The following ATP11A variants were observed in gnomAD, a reference collection of about 807,000 sequenced individuals.
ATP11A encodes ATPase phospholipid transporting 11A.
Under a neutral mutation model 154.4 loss-of-function variants are expected in ATP11A, and 81 were observed. The observed-to-expected ratio is 0.52, with a 90% CI of 0.44 to 0.63. The LOEUF (loss-of-function observed/expected upper bound fraction) is 0.63, where lower values mean the gene tolerates loss of function less well. Ranked by LOEUF, ATP11A falls within the 30% of genes least tolerant of loss-of-function variation. ATP11A has a pLI of 0.00. For synonymous variants in ATP11A, 623 were observed against 585.9 expected (o/e 1.06, Z -0.91); for missense variants, 1,316 against 1,474.3 (o/e 0.89, Z 1.76).
chr13:112,865,175 G>A (rs1229548791), intron 25 of ATP11A, among the ~76,000 whole-genome samples: 3 of 102,512 alleles, frequency 2.9e-5, no homozygotes, highest in African/African-American at 1.1e-4. Context: ...GCTTCCCAGC[G>A]GGGTCCATCA....
Position 112,834,668 on chromosome 13 carries a change from C to T in ATP11A, c.1631+8C>T, listed in dbSNP as rs1396989541. On this transcript the variant is annotated splice_region_variant and intron_variant, in intron 15 of 29. Coordinates refer to ENST00000375645, the MANE Select transcript of ATP11A (RefSeq NM_015205.3). ...GGAGAACCACATCGAAAGGTATGTG[C>T]AGACCTCACCCTCAGATGTGAAAGG... The T allele has an allele frequency of 1.9e-6, 3 of 1,604,478 alleles. No individual in the cohort carries two copies. In the East Asian group the frequency reaches 6.7e-5, roughly 36 times the overall value.
intron 1 of ATP11A, among the ~76,000 whole-genome samples, chr13:112,784,535 T>G (rs2077574366): frequency 6.6e-6 from 1 of 151,680 alleles, no homozygotes; most frequent in African/African-American, 2.4e-5. Context: ...TCTTTTTTTT[T>G]TTTTTTGAGA....
rs2080898171 is a variant in ATP11A, at chr13:112,881,987, C to T, written c.*121C>T. 1 of 1,367,884 alleles carries T rather than the reference C, an allele frequency of 7.3e-7. No homozygotes were observed. The highest frequency in any genetic ancestry group is 9.8e-7 in the Non-Finnish European group (1 of 1,022,002). The allele number at this position is 1,367,884 out of a possible 1,614,324, so 84.7% of individuals were successfully genotyped here. A position where few individuals can be genotyped will look rare whatever the true frequency, so the allele number is the denominator to read the frequency against. On this transcript the variant is annotated 3_prime_UTR_variant, in exon 30 of 30. Coordinates refer to ENST00000375645, the MANE Select transcript of ATP11A (RefSeq NM_015205.3). ...GGTGTCCACGGAGCCCCCACCCATC[C>T]TCGGCGGTTCCCATCACCACTGCAG...
chr13:112,741,089 T>C (rs1891498291), intron 1 of ATP11A, among the ~76,000 whole-genome samples: 1 of 152,242 alleles, frequency 6.6e-6, no homozygotes, highest in East Asian at 1.9e-4. Context: ...ATATTTCTAA[T>C]GTAAAGCCAA....
Position 112,753,245 on chromosome 13 carries a change from G to A in ATP11A, c.40-31890G>A, listed in dbSNP as rs1375597341. On this transcript the variant is annotated intron_variant, in intron 1 of 29. Transcript: ENST00000375645. The surrounding 1 kb of genome is among the most constrained non-coding windows in gnomAD (Gnocchi z 4.1). ...GACTCAACCTCCCCCGCCCCTGGCC[G>A]CCCCACATCATGGACAGCTGGGCTC... 2.6e-5 allele frequency among the ~76,000 whole-genome samples: 4 copies of A among 152,146 alleles called. No homozygotes were observed. The highest frequency in any genetic ancestry group is 5.9e-5 in the Non-Finnish European group (4 of 68,036).
intron 24 of ATP11A, among the ~76,000 whole-genome samples, chr13:112,861,078 T>G (rs897432679): frequency 6.6e-6 from 1 of 152,108 alleles, no homozygotes; most frequent in African/African-American, 2.4e-5. Context: ...CAAAGGCACG[T>G]CTTACATGGT....
At chr13:112,759,460 C>T (rs533434767) in intron 1 of ATP11A, among the ~76,000 whole-genome samples, 243 of 152,342 alleles carry the variant, frequency 1.6e-3, no homozygotes, top group Non-Finnish European at 2.6e-3. Context: ...TCAACAATAG[C>T]GCGTGGACAC....
At position 112,788,584 on chromosome 13, in the gene ATP11A, G is replaced by C. The variant is rs145955135; in HGVS notation, c.162+3327G>C. On this transcript the variant is annotated intron_variant, in intron 2 of 29. Transcript: ENST00000375645. ...CCTACTTAATTCACACCTGTGTCCT[G>C]ATGTGTAGACCCCTGCGGAGACCTA... Among the ~76,000 whole-genome samples the C allele has an allele frequency of 2.2e-4, 32 of 147,868 alleles. No homozygotes were observed. In the East Asian group the frequency reaches 5.4e-3, roughly 25 times the overall value.
intron 1 of ATP11A, among the ~76,000 whole-genome samples, chr13:112,699,337 G>T (rs960554811): frequency 2.0e-5 from 3 of 152,244 alleles, no homozygotes; most frequent in East Asian, 1.9e-4. Flanking sequence ...TTTTTCTGTG[G>T]TTTTTATTTT....
At chr13:112,832,756 G>A in intron 13 of ATP11A, 104 bp from the exon 14 acceptor site, 1 of 1,439,802 alleles carries the variant, frequency 6.9e-7, no homozygotes, top group Non-Finnish European at 9.4e-7. Context: ...CGTGGCCGCG[G>A]GGACCCCCCC....
chr13:112,843,319 G>A (rs1487107046), intron 17 of ATP11A, among the ~76,000 whole-genome samples: 1 of 148,920 alleles, frequency 6.7e-6, no homozygotes, highest in Non-Finnish European at 1.5e-5. Context: ...ATGCCCTAAC[G>A]TTGGGTGATG....
intron 1 of ATP11A, among the ~76,000 whole-genome samples, chr13:112,718,236 A>C (rs1018341839): frequency 2.0e-5 from 3 of 152,006 alleles, no homozygotes; most frequent in Admixed American, 1.3e-4. Context: ...TTACCATTGG[A>C]TAAAAAGCAT....
intron 1 of ATP11A, among the ~76,000 whole-genome samples, chr13:112,715,163 GGGTTGTTTCCTGC>G (rs374023189): frequency 1.3e-3 from 197 of 152,280 alleles, no homozygotes; most frequent in Admixed American, 2.2e-3. Flanking sequence ...AAGGACACTT[GGGTTGTTTCCTGC>G]GGCAGCTTTT....
chr13:112,829,156 TCTTG>T (rs1161315298), intron 12 of ATP11A, among the ~76,000 whole-genome samples: 1 of 152,180 alleles, frequency 6.6e-6, no homozygotes, highest in Non-Finnish European at 1.5e-5. Flanking sequence ...GGAACACAAA[TCTTG>T]CTTCAGGCCA....
rs552184344 is a variant in ATP11A, at chr13:112,785,047, G to A, written c.40-88G>A. The A allele has an allele frequency of 1.2e-5, 16 of 1,355,608 alleles. 1 individual carries two copies. Among genetic ancestry groups the A allele is most frequent in the South Asian group, 4.1e-5 (2 of 48,708 alleles). The allele number at this position is 1,355,608 out of a possible 1,614,324, so 84.0% of individuals were successfully genotyped here. On this transcript the variant is annotated intron_variant, in intron 1 of 29. Coordinates refer to ENST00000375645, the MANE Select transcript of ATP11A (RefSeq NM_015205.3). The surrounding 1 kb of genome is among the most constrained non-coding windows in gnomAD (Gnocchi z 4.8). ...AGCAGCAGGTACAGGTCTCCGTTCC[G>A]ACGAACGTGCCTCAAGGCAACACTC...
chr13:112,810,654 T>C lies in ATP11A; in HGVS notation c.369T>C (p.Asn123=), dbSNP rs749537926. The change falls in exon 5 of 30, where the codon AAT becomes AAC. Residue 123 remains asparagine, a synonymous_variant. Transcript: ENST00000375645. The part of the protein sequence containing the change: ...YEDWLRHKAD[N]AMNQCPVHFI... ...ACTGGCTTCGACATAAAGCAGACAA[T>C]GCCATGAACCAGTGTCCTGTTCATT... 1 of 1,614,118 alleles carries C rather than the reference T, an allele frequency of 6.2e-7. No homozygotes were observed. Among genetic ancestry groups the C allele is most frequent in the Non-Finnish European group, 8.5e-7 (1 of 1,179,992 alleles).
Position 112,875,776 on chromosome 13 carries a change from G to A in ATP11A, c.3162G>A (p.Trp1054Ter). ...GCGGCTTCTCTTCCCTGCCCCTCAG[G>A]CCGTTCCTCAACTACCAGAGGATGT... Reference protein sequence around the residue: ...VFSLLWGGVIWPFLNYQRMYY... With the variant: ...VFSLLWGGVI Residue 1054 changes from tryptophan to a stop codon, truncating the protein, a stop_gained and splice_region_variant, in exon 28 of 30, where the codon TGG (tryptophan) becomes TGA (stop). Coordinates refer to ENST00000375645, the MANE Select transcript of ATP11A (RefSeq NM_015205.3). LOFTEE classifies it high-confidence loss of function. This position sits in a 1 kb window ranked among gnomAD's most constrained non-coding sequence, Gnocchi z 4.1. 2 of 1,613,192 alleles carry A rather than the reference G, an allele frequency of 1.2e-6. No individual in the cohort carries two copies. The highest frequency in any genetic ancestry group is 1.7e-6 in the Non-Finnish European group (2 of 1,179,478).
At chr13:112,813,267 A>G (rs186551568) in intron 5 of ATP11A, among the ~76,000 whole-genome samples, 3 of 152,198 alleles carry the variant, frequency 2.0e-5, no homozygotes, top group Non-Finnish European at 4.4e-5. Flanking sequence ...TGTGGTAGTA[A>G]GAAATAAAAC....
chr13:112,735,504 T>C (rs1379307821), intron 1 of ATP11A, among the ~76,000 whole-genome samples: 1 of 152,192 alleles, frequency 6.6e-6, no homozygotes, highest in Admixed American at 6.5e-5. Context: ...ATTCCAAGTC[T>C]TAACATTACT....
Sources: allele counts gnomAD v4.1 joint callset (sites outside exome capture counted in the v4.1 genomes callset), GRCh38; gene constraint gnomAD v4.1.1; non-coding constraint Gnocchi (gnomAD v3.1); transcripts MANE v1.5; gene names NCBI Gene and HGNC (gene_info 2026-07-23, HGNC 2026-07-21).